Variants in PRELID2 observed in about 807,000 individuals in gnomAD.
PRELID2 encodes the protein PRELI domain-containing protein 2.
Under a neutral mutation model 28.4 loss-of-function variants are expected in PRELID2, and 25 were observed. The ratio of observed to expected loss-of-function variants is 0.88; its 90% confidence interval spans 0.64 to 1.23. The LOEUF (loss-of-function observed/expected upper bound fraction) is 1.23. PRELID2 is among the 50% of genes most tolerant of loss of function. The pLI is 0.00. For missense variants in PRELID2, 201 were observed against 214.4 expected, an observed-to-expected ratio of 0.94 and a Z score of 0.39; for synonymous variants, 76 against 71.6, an observed-to-expected ratio of 1.06 and a Z score of -0.31.
At chr5:145,556,771 C>T (rs1268592477) in intron 1 of PRELID2, among the ~76,000 whole-genome samples, 1 of 152,180 alleles carries the variant, frequency 6.6e-6, no homozygotes, top group Non-Finnish European at 1.5e-5. Flanking sequence ...CTGGCCTTCT[C>T]CCAGGAGATA....
At chr5:145,555,329 G>C (rs954223964) in intron 1 of PRELID2, among the ~76,000 whole-genome samples, 12 of 152,120 alleles carry the variant, frequency 7.9e-5, no homozygotes, top group Non-Finnish European at 1.5e-4. Context: ...AATGTCACAG[G>C]AGATTCTGAT....
At chr5:145,229,281 A>G in the PRELID2 span, 1 of 754,022 alleles carries the variant, frequency 1.3e-6, no homozygotes, top group Non-Finnish European at 2.5e-6. Context: ...AACTGGTTCA[A>G]GGGCCGCAGT....
the PRELID2 span, among the ~76,000 whole-genome samples, chr5:145,430,978 A>G: frequency 4.0e-5 from 6 of 148,776 alleles, no homozygotes; most frequent in East Asian, 1.2e-3. Flanking sequence ...AAATTACATC[A>G]AACTCTGGGA....
the PRELID2 span, among the ~76,000 whole-genome samples, chr5:145,373,868 CATAT>C: frequency 1.1e-5 from 1 of 89,944 alleles, no homozygotes; most frequent in Non-Finnish European, 2.0e-5. Flanking sequence ...TATATTACAA[CATAT>C]ATAATATATA....
At chr5:145,622,106 C>T (rs1012368641) in intron 1 of PRELID2, among the ~76,000 whole-genome samples, 8 of 152,130 alleles carry the variant, frequency 5.3e-5, no homozygotes, top group Non-Finnish European at 7.4e-5. Context: ...TTTATGTTAA[C>T]TGTCCAGAAT....
chr5:145,431,011 T>G, the PRELID2 span, among the ~76,000 whole-genome samples: 1 of 139,204 alleles, frequency 7.2e-6, no homozygotes, highest in Non-Finnish European at 1.5e-5. Context: ...CAATGGTTTT[T>G]TTTTTTTTTT....
chr5:145,619,691 G>A (rs547544200), intron 1 of PRELID2, among the ~76,000 whole-genome samples: 1 of 152,324 alleles, frequency 6.6e-6, no homozygotes, highest in East Asian at 1.9e-4. Flanking sequence ...GTCCATCTGA[G>A]TTGGAGCTGC....
intron 5 of PRELID2, among the ~76,000 whole-genome samples, chr5:145,766,684 A>T (rs1265912143): frequency 6.6e-6 from 1 of 152,184 alleles, no homozygotes; most frequent in Admixed American, 6.5e-5. Flanking sequence ...CAGGACCAGG[A>T]GCACCACTGT....
intron 1 of PRELID2, among the ~76,000 whole-genome samples, chr5:145,529,426 A>G (rs1752637015): frequency 6.6e-6 from 1 of 152,186 alleles, no homozygotes; most frequent in Non-Finnish European, 1.5e-5. Flanking sequence ...GGATTTTTCA[A>G]TGGGCCACAA....
intron 1 of PRELID2, among the ~76,000 whole-genome samples, chr5:145,489,210 G>T (rs1263338932): frequency 6.6e-6 from 1 of 151,988 alleles, no homozygotes; most frequent in Non-Finnish European, 1.5e-5. Flanking sequence ...ATTCCTTTTG[G>T]CTTTAATTGG....
At chr5:145,508,489 C>A (rs564503376) in intron 1 of PRELID2, among the ~76,000 whole-genome samples, 25 of 152,034 alleles carry the variant, frequency 1.6e-4, no homozygotes, top group Non-Finnish European at 2.6e-4. Context: ...AAAGAAAAAG[C>A]TTTTATTTCC....
chr5:145,708,251 G>GA (rs1159922550), intron 1 of PRELID2, among the ~76,000 whole-genome samples: 1 of 150,328 alleles, frequency 6.7e-6, no homozygotes, highest in Non-Finnish European at 1.5e-5. Flanking sequence ...CACTAAAAAG[G>GA]AAAAAATAAA....
At chr5:145,763,935 G>C (rs1757598559) in intron 6 of PRELID2, among the ~76,000 whole-genome samples, 1 of 152,052 alleles carries the variant, frequency 6.6e-6, no homozygotes. Flanking sequence ...AATTAGCCGG[G>C]CATGATGGTG....
intron 5 of PRELID2, among the ~76,000 whole-genome samples, chr5:145,780,000 G>C (rs1758685841): frequency 1.3e-5 from 2 of 152,198 alleles, no homozygotes; most frequent in Non-Finnish European, 2.9e-5. Context: ...GGGCAACATG[G>C]TGAGACCTCG....
chr5:145,778,143 A>C (rs1284298212), intron 5 of PRELID2, among the ~76,000 whole-genome samples: 2 of 152,116 alleles, frequency 1.3e-5, no homozygotes, highest in Non-Finnish European at 2.9e-5. Flanking sequence ...AGGCCCATAA[A>C]AGACCCAGGC....
In PRELID2 at chr5:145,813,197, C is replaced by T. The variant is rs376447039; in HGVS notation, c.368+4697G>A. Among the ~76,000 whole-genome samples the T allele has an allele frequency of 7.9e-5, 12 of 152,272 alleles. 1 individual carries two copies. The highest frequency in any genetic ancestry group is 4.1e-4 in the South Asian group (2 of 4,820). On this transcript the variant is annotated intron_variant, in intron 4 of 6. Coordinates refer to ENST00000683046, the MANE Select transcript of PRELID2 (RefSeq NM_205846.3). ...GTAGCCCTGACAGCTTTTTTATTCC[C>T]TTTAAAAAAACTTGTCCCTATTCTG... is the stretch of plus-strand genomic sequence containing the variant.
chr5:145,814,782 T>C (rs1011711032), intron 4 of PRELID2, among the ~76,000 whole-genome samples: 81 of 152,318 alleles, frequency 5.3e-4, no homozygotes, highest in African/African-American at 1.9e-3. Flanking sequence ...TAACATTTAG[T>C]GCTTATATTT....
intron 1 of PRELID2, chr5:145,729,161 G>C: frequency 1.6e-6 from 1 of 641,704 alleles, no homozygotes; most frequent in Non-Finnish European, 2.8e-6. Flanking sequence ...CTTTTGTCAA[G>C]TCCTTCAAAG....
At chr5:145,417,758 G>C in the PRELID2 span, among the ~76,000 whole-genome samples, 2 of 152,004 alleles carry the variant, frequency 1.3e-5, no homozygotes, top group African/African-American at 2.4e-5. Flanking sequence ...AAAATAATAA[G>C]AGCCATACAC....
Sources: gnomAD v4.1 joint callset for allele counts (sites outside exome capture counted in the v4.1 genomes callset) on GRCh38, gnomAD v4.1.1 for gene constraint, MANE v1.5 for transcripts, NCBI Gene and HGNC (gene_info 2026-07-23, HGNC 2026-07-21) for gene names.